Variants in PSPC1 observed in about 807,000 individuals in gnomAD.
PSPC1 encodes the protein paraspeckle protein 1.
In PSPC1, 14 loss-of-function variants were observed where a neutral mutation model predicts 51.6. The ratio of observed to expected loss-of-function variants is 0.27; its 90% confidence interval spans 0.18 to 0.42. The LOEUF (loss-of-function observed/expected upper bound fraction) is 0.42, where lower values mean the gene tolerates loss of function less well. Among genes scored for constraint, PSPC1 ranks in the 10% least tolerant of loss-of-function variants. The probability of loss-of-function intolerance (pLI) is 1.00; values close to 1 mark genes in which losing one functional copy is unlikely to be tolerated. For synonymous variants in PSPC1, 193 were observed against 231.9 expected, an observed-to-expected ratio of 0.83 and a Z score of 1.53; for missense variants, 406 against 701.1, an observed-to-expected ratio of 0.58 and a Z score of 4.75.
chr13:19,741,674 A>G (rs1356276974), intron 4 of PSPC1, 25 bp from the exon 5 acceptor site: 1 of 1,447,072 alleles, frequency 6.9e-7, no homozygotes, highest in Non-Finnish European at 9.5e-7. Context: ...CTGCACATTA[A>G]TATTTTTAGT....
chr13:19,759,791 G>C (rs959415163), intron 2 of PSPC1, among the ~76,000 whole-genome samples: 2 of 151,650 alleles, frequency 1.3e-5, no homozygotes, highest in African/African-American at 2.4e-5. Context: ...GAACCCCAGA[G>C]GCAGAGGTTG....
downstream of PSPC1, among the ~76,000 whole-genome samples, chr13:19,700,525 A>C (rs1443703871): frequency 9.9e-5 from 15 of 152,080 alleles, no homozygotes; most frequent in Admixed American, 8.5e-4. Flanking sequence ...AGTTTTTTAA[A>C]ATCTGCATCT....
intron 6 of PSPC1, among the ~76,000 whole-genome samples, chr13:19,697,028 T>C (rs1879339433): frequency 6.6e-6 from 1 of 152,176 alleles, no homozygotes; most frequent in Admixed American, 6.5e-5. Flanking sequence ...TAGCTGTAAA[T>C]GTCTGAGGGT....
chr13:19,731,216 A>C (rs919399134), intron 5 of PSPC1, among the ~76,000 whole-genome samples: 8 of 152,186 alleles, frequency 5.3e-5, no homozygotes, highest in African/African-American at 1.4e-4. Context: ...GTTATAGCAT[A>C]AACATTTACA....
chr13:19,739,169 C>A (rs959834869), intron 5 of PSPC1, among the ~76,000 whole-genome samples: 1 of 152,174 alleles, frequency 6.6e-6, no homozygotes, highest in African/African-American at 2.4e-5. Context: ...AGTCAACACA[C>A]TATTTTCCAG....
At chr13:19,697,246 C>A (rs1264238836) in intron 6 of PSPC1, among the ~76,000 whole-genome samples, 2 of 152,148 alleles carry the variant, frequency 1.3e-5, no homozygotes, top group African/African-American at 4.8e-5. Flanking sequence ...GGCCTACAGA[C>A]CACTCTGGAA....
chr13:19,762,884 G>C (rs1402242208), intron 2 of PSPC1, among the ~76,000 whole-genome samples: 1 of 152,124 alleles, frequency 6.6e-6, no homozygotes, highest in African/African-American at 2.4e-5. Context: ...GGCCAAGGCA[G>C]GTGGATCACT....
In PSPC1 at chr13:19,741,644, T is replaced by G. The variant is rs529891255; in HGVS notation, c.973A>C (p.Met325Leu). 1 of 1,584,974 alleles carries G rather than the reference T, an allele frequency of 6.3e-7. No individual in the cohort carries two copies. The highest frequency in any genetic ancestry group is 1.4e-5 in the African/African-American group (1 of 73,766). ...HQLMLMRQDL[M>L]RRQEELRRLE... is the part of the protein sequence containing the mutation. ...CGTCTGAGTTCTTCTTGACGCCTCA[T>G]TAGATCTATAAAATAATGACTGCAC... is the stretch of plus-strand genomic sequence containing the variant. The change falls in exon 5 of 9, where the codon ATG becomes CTG. Residue 325 changes from methionine to leucine, a missense_variant. Met to Leu is a conservative substitution (Grantham distance 15). This residue lies in a region of PSPC1 where 180 missense variants were observed against 337.9 expected (regional missense o/e 0.53). Transcript: ENST00000338910.
chr13:19,683,603 C>T (rs1280928154), intron 6 of PSPC1, among the ~76,000 whole-genome samples: 1 of 152,032 alleles, frequency 6.6e-6, no homozygotes, highest in African/African-American at 2.4e-5. Flanking sequence ...GACAGGGTAA[C>T]CCTAAATTCT....
chr13:19,755,922 C>T (rs1234213268), intron 3 of PSPC1, among the ~76,000 whole-genome samples: 1 of 152,078 alleles, frequency 6.6e-6, no homozygotes, highest in Non-Finnish European at 1.5e-5. Context: ...AACACAAAGG[C>T]ACTCCAAGTT....
intron 5 of PSPC1, among the ~76,000 whole-genome samples, chr13:19,741,262 G>C (rs1885408679): frequency 6.6e-6 from 1 of 152,070 alleles, no homozygotes; most frequent in South Asian, 2.1e-4. Context: ...ATAAATAAGA[G>C]CAACGCAAAT....
chr13:19,778,643 G>A (rs1481757405), intron 1 of PSPC1, among the ~76,000 whole-genome samples: 1 of 130,072 alleles, frequency 7.7e-6, no homozygotes, highest in Non-Finnish European at 1.7e-5. Context: ...GAGGTGCCGG[G>A]ATTGCAGACG....
chr13:19,750,116 A>T lies in PSPC1; in HGVS notation c.967+1155T>A, dbSNP rs1886385877. On this transcript the variant is annotated intron_variant, in intron 4 of 8. Transcript: ENST00000338910. ...AAGGATTTAGAGAAGAATGATCAAA[A>T]TTTCACCTGCTAAGAAAAATACTGA... is the stretch of plus-strand genomic sequence containing the variant. Among the ~76,000 whole-genome samples, 5 of 152,194 alleles carry T rather than the reference A, an allele frequency of 3.3e-5. No homozygotes were observed. The South Asian group carries it at 1.0e-3, about 32-fold the overall frequency.
chr13:19,782,614 G>T lies in PSPC1; in HGVS notation c.144C>A (p.Pro48=). The T allele has an allele frequency of 1.9e-6, 3 of 1,578,270 alleles. No individual in the cohort carries two copies. The highest frequency in any genetic ancestry group is 1.7e-6 in the Non-Finnish European group (2 of 1,165,916). ...GGTGGTCCTCTGGAGGCGCGGGCGC[G>T]GGCGGTGCCGGCTCCCCGGCAAGAG... ...ALALAGEPAP[P]APAPPEDHPD... The change falls in exon 1 of 9, where the codon CCC becomes CCA. Residue 48 remains proline (P), a synonymous_variant. Coordinates refer to ENST00000338910, the MANE Select transcript of PSPC1 (RefSeq NM_001354909.2). This position sits in a 1 kb window ranked among gnomAD's most constrained non-coding sequence, Gnocchi z 4.5.
chr13:19,743,482 CA>C (rs60102690), intron 4 of PSPC1, among the ~76,000 whole-genome samples: 4 of 151,510 alleles, frequency 2.6e-5, no homozygotes, highest in African/African-American at 9.7e-5. Context: ...ATAAATTATG[CA>C]AAAAAAAAGG....
intron 6 of PSPC1, among the ~76,000 whole-genome samples, chr13:19,695,264 C>A (rs1210163087): frequency 2.0e-5 from 3 of 152,146 alleles, no homozygotes; most frequent in Non-Finnish European, 1.5e-5. Context: ...ATGACATGAA[C>A]CCCTAGACTT....
At chr13:19,773,008 A>G (rs1888757803) in intron 1 of PSPC1, among the ~76,000 whole-genome samples, 1 of 151,808 alleles carries the variant, frequency 6.6e-6, no homozygotes, top group Non-Finnish European at 1.5e-5. Flanking sequence ...CTAAAAATAC[A>G]AAAATTAGCT....
At chr13:19,684,776 C>T (rs1877668960) in intron 6 of PSPC1, among the ~76,000 whole-genome samples, 1 of 152,210 alleles carries the variant, frequency 6.6e-6, no homozygotes, top group Non-Finnish European at 1.5e-5. Context: ...TGACCAACCT[C>T]AGTCAGGATC....
intron 2 of PSPC1, among the ~76,000 whole-genome samples, chr13:19,764,843 C>T (rs914284985): frequency 2.0e-5 from 3 of 152,068 alleles, no homozygotes; most frequent in African/African-American, 7.2e-5. Context: ...AAGTGATCCT[C>T]CCACCTCAGC....
Sources: gnomAD v4.1 joint callset for allele counts (sites outside exome capture counted in the v4.1 genomes callset) on GRCh38, gnomAD v4.1.1 for gene constraint, gnomAD v4.1.1 regional missense constraint, Gnocchi (gnomAD v3.1) non-coding constraint, MANE v1.5 for transcripts, NCBI Gene and HGNC (gene_info 2026-07-23, HGNC 2026-07-21) for gene names.